PTPRT: variants seen among roughly 807,000 people sequenced by gnomAD.
PTPRT encodes the protein protein tyrosine phosphatase receptor type T.
In PTPRT, 56 loss-of-function variants were observed where a neutral mutation model predicts 176.8. That is an observed-to-expected ratio of 0.32 (90% CI 0.26 to 0.40). The LOEUF (loss-of-function observed/expected upper bound fraction) is 0.40. PTPRT is among the 10% of genes least tolerant of loss of function. The pLI is 1.00. For missense variants in PTPRT, 1,540 were observed against 1,908.2 expected, an observed-to-expected ratio of 0.81 and a Z score of 3.60; for synonymous variants, 783 against 739.0, an observed-to-expected ratio of 1.06 and a Z score of -0.96.
chr20:42,871,928 G>C (rs944965564), intron 2 of PTPRT, among the ~76,000 whole-genome samples: 6 of 152,296 alleles, frequency 3.9e-5, no homozygotes, highest in Middle Eastern at 3.4e-3. Flanking sequence ...CTATGATTTA[G>C]AAGGATCTTG....
intron 7 of PTPRT, among the ~76,000 whole-genome samples, chr20:42,655,478 A>G (rs1480790067): frequency 1.3e-5 from 2 of 152,190 alleles, no homozygotes; most frequent in African/African-American, 4.8e-5. Context: ...GTGACAGAGC[A>G]AGACTCCATC....
chr20:42,134,531 C>T (rs1388905710), intron 18 of PTPRT, among the ~76,000 whole-genome samples: 2 of 152,124 alleles, frequency 1.3e-5, no homozygotes, highest in Non-Finnish European at 2.9e-5. Context: ...CACATAAATT[C>T]AAAGAGCTCC....
intron 23 of PTPRT, among the ~76,000 whole-genome samples, chr20:42,108,518 G>A (rs1986698560): frequency 6.6e-6 from 1 of 152,146 alleles, no homozygotes; most frequent in African/African-American, 2.4e-5. Context: ...CAATTAAAAT[G>A]CATAATGCAT....
chr20:42,602,758 C>T (rs1368759546), intron 7 of PTPRT, among the ~76,000 whole-genome samples: 3 of 152,096 alleles, frequency 2.0e-5, no homozygotes, highest in African/African-American at 7.2e-5. Context: ...TAGATGGTGA[C>T]AGAACAAGGA....
At chr20:42,575,991 G>A (rs897397978) in intron 7 of PTPRT, among the ~76,000 whole-genome samples, 1 of 152,150 alleles carries the variant, frequency 6.6e-6, no homozygotes, top group Non-Finnish European at 1.5e-5. Flanking sequence ...AAACTCTTCA[G>A]AGGTTCACCA....
At chr20:42,421,272 A>ACGCACG (rs1230830545) in intron 9 of PTPRT, among the ~76,000 whole-genome samples, 2 of 89,510 alleles carry the variant, frequency 2.2e-5, no homozygotes, top group African/African-American at 8.6e-5. Context: ...ACGCACACAC[A>ACGCACG]CACACGCATG....
chr20:42,115,208 T>C lies in PTPRT; in HGVS notation c.3090A>G (p.Thr1030=), dbSNP rs753593475. The change falls in exon 22 of 31, where the codon ACA becomes ACG. Residue 1030 remains threonine (T), a synonymous_variant. Coordinates refer to ENST00000373187, the MANE Select transcript of PTPRT (RefSeq NM_007050.6). The part of the protein sequence containing the change: ...PLAEYVIRTF[T]VQKKGYHEIR... Reference sequence around the variant, plus strand: ...CCTCCAAGAAGCTTACCTTCTGGACTGTGAAGGTGCGTATGACGTATTCTG... The same window carrying C: ...CCTCCAAGAAGCTTACCTTCTGGACCGTGAAGGTGCGTATGACGTATTCTG... 7 of 1,612,240 alleles carry C rather than the reference T, an allele frequency of 4.3e-6. No homozygotes were observed. In the Admixed American group the frequency reaches 1.2e-4, roughly 27 times the overall value.
chr20:42,952,536 C>T (rs1201448997), intron 1 of PTPRT, among the ~76,000 whole-genome samples: 3 of 152,214 alleles, frequency 2.0e-5, no homozygotes, highest in Admixed American at 6.5e-5. Context: ...TTCTGCGTGC[C>T]TCAGTTTCCT....
At chr20:42,712,053 G>A (rs1336230149) in intron 6 of PTPRT, among the ~76,000 whole-genome samples, 1 of 152,094 alleles carries the variant, frequency 6.6e-6, no homozygotes, top group African/African-American at 2.4e-5. Flanking sequence ...ACTTTAAAAT[G>A]AGCAGTATAC....
chr20:42,209,176 TG>T (rs2055553418), intron 15 of PTPRT, among the ~76,000 whole-genome samples: 1 of 152,184 alleles, frequency 6.6e-6, no homozygotes, highest in Non-Finnish European at 1.5e-5. Context: ...TAGCACTTAA[TG>T]CCCACAAGAG....
chr20:42,954,874 G>A (rs1981520948), intron 1 of PTPRT, among the ~76,000 whole-genome samples: 1 of 151,744 alleles, frequency 6.6e-6, no homozygotes, highest in Non-Finnish European at 1.5e-5. Context: ...GAAGAGGAGA[G>A]GAGAGAAGGG....
chr20:43,051,625 T>TAAAAAAAACAAAAA (rs1987044492), intron 1 of PTPRT, among the ~76,000 whole-genome samples: 1 of 91,980 alleles, frequency 1.1e-5, no homozygotes, highest in Non-Finnish European at 2.0e-5. Context: ...TCTGTAACTG[T>TAAAAAAAACAAAAA]AAAAAAAAAA....
chr20:43,036,433 T>C (rs1044091674), intron 1 of PTPRT, among the ~76,000 whole-genome samples: 1 of 152,240 alleles, frequency 6.6e-6, no homozygotes, highest in South Asian at 2.1e-4. Context: ...AGGAGAAAAA[T>C]GCAACCTGGT....
intron 9 of PTPRT, among the ~76,000 whole-genome samples, chr20:42,357,103 C>T (rs952723128): frequency 1.3e-5 from 2 of 152,212 alleles, no homozygotes; most frequent in Non-Finnish European, 2.9e-5. Flanking sequence ...GTAATTATTT[C>T]ATCAATAAGT....
At position 42,706,179 on chromosome 20, in the gene PTPRT, TTGTGTGTGTG is replaced by T. The variant is rs369232610; in HGVS notation, c.860-28030_860-28021del. 6.8e-3 allele frequency among the ~76,000 whole-genome samples: 845 copies of T among 123,544 alleles called. 11 individuals are homozygous for T. The highest frequency in any genetic ancestry group is 0.05 in the Middle Eastern group (12 of 240). The allele number at this position is 123,544 out of a possible 152,430, so 81.0% of individuals were successfully genotyped here. On this transcript the variant is annotated intron_variant, in intron 6 of 30. Coordinates refer to ENST00000373187, the MANE Select transcript of PTPRT (RefSeq NM_007050.6). ...TCTTTATCTCTCTCTCTCTCTCTGT[TTGTGTGTGTG>T]TGTGTGTGTGTGTGTGTGTGTGTGT...
At chr20:42,529,452 T>C (rs750194904) in intron 7 of PTPRT, among the ~76,000 whole-genome samples, 1 of 152,168 alleles carries the variant, frequency 6.6e-6, no homozygotes, top group African/African-American at 2.4e-5. Context: ...TCATCAAGTC[T>C]GAAAACACTC....
chr20:43,044,996 T>A (rs1046295927), intron 1 of PTPRT, among the ~76,000 whole-genome samples: 3 of 152,196 alleles, frequency 2.0e-5, no homozygotes, highest in Non-Finnish European at 4.4e-5. Flanking sequence ...CAGCCTCTAA[T>A]TAAGCCTTAA....
At chr20:42,250,994 G>T (rs1600729027) in intron 13 of PTPRT, among the ~76,000 whole-genome samples, 3 of 150,666 alleles carry the variant, frequency 2.0e-5, no homozygotes, top group Admixed American at 1.3e-4. Context: ...ATTTAGGGAT[G>T]GGGGGACGAG....
intron 6 of PTPRT, among the ~76,000 whole-genome samples, chr20:42,681,311 G>A (rs1426478114): frequency 6.6e-6 from 1 of 152,178 alleles, no homozygotes; most frequent in Non-Finnish European, 1.5e-5. Flanking sequence ...GCCAGACAGA[G>A]CACTGAGCGC....
Sources: gnomAD v4.1 joint callset for allele counts (sites outside exome capture counted in the v4.1 genomes callset) on GRCh38, gnomAD v4.1.1 for gene constraint, MANE v1.5 for transcripts, NCBI Gene and HGNC (gene_info 2026-07-23, HGNC 2026-07-21) for gene names.